Variants in GPHN observed in about 807,000 individuals in gnomAD.
GPHN encodes the protein gephyrin.
GPHN carries 17 observed loss-of-function variants against 95.5 expected under a neutral mutation model. That is an observed-to-expected ratio of 0.18 (90% confidence interval 0.12 to 0.27). The LOEUF (loss-of-function observed/expected upper bound fraction) is 0.27. GPHN is among the 10% of genes least tolerant of loss of function. The pLI, the probability that GPHN is intolerant of heterozygous loss-of-function variation, is 1.00. For synonymous variants in GPHN, 320 were observed against 322.5 expected, an observed-to-expected ratio of 0.99 and a Z score of 0.08; for missense variants, 660 against 978.1, an observed-to-expected ratio of 0.67 and a Z score of 4.34.
At chr14:67,494,382 T>C in the GPHN span, among the ~76,000 whole-genome samples, 1 of 152,182 alleles carries the variant, frequency 6.6e-6, no homozygotes, top group Non-Finnish European at 1.5e-5. Flanking sequence ...TTATGCAGCT[T>C]TCTCAAGGTC....
chr14:66,934,956 C>T (rs1363817953), intron 8 of GPHN, among the ~76,000 whole-genome samples: 3 of 152,056 alleles, frequency 2.0e-5, no homozygotes, highest in African/African-American at 7.2e-5. Context: ...TAAAATGTAT[C>T]AAATAGGAAT....
intron 1 of GPHN, among the ~76,000 whole-genome samples, chr14:66,560,468 T>G (rs1315146236): frequency 2.0e-5 from 3 of 152,194 alleles, no homozygotes; most frequent in Non-Finnish European, 2.9e-5. Context: ...CCCTTGTAAG[T>G]TGGATTCCTA....
chr14:67,278,325 T>G, the GPHN span, among the ~76,000 whole-genome samples: 3 of 151,234 alleles, frequency 2.0e-5, no homozygotes, highest in Non-Finnish European at 4.4e-5. Context: ...CGTGAGCCAC[T>G]GCACCCGGCC....
At position 66,599,392 on chromosome 14, in the gene GPHN, A is replaced by ATTTTTTTTTTTTT. The variant is rs765267813; in HGVS notation, c.65-81711_65-81699dup. Among the ~76,000 whole-genome samples the ATTTTTTTTTTTTT allele has an allele frequency of 1.3e-3, 97 of 76,452 alleles. 3 individuals are homozygous for ATTTTTTTTTTTTT. The highest frequency in any genetic ancestry group is 5.2e-3 in the East Asian group (13 of 2,492). The allele number at this position is 76,452 out of a possible 152,430, so 50.2% of individuals were successfully genotyped here. ...TCTCTGATTTTACATTTTTTTTTGC[A>ATTTTTTTTTTTTT]TTTTTTTTTTTTTTTTGCTAGATGC... On this transcript the variant is annotated intron_variant, in intron 1 of 22. Coordinates refer to ENST00000478722, the MANE Select transcript of GPHN (RefSeq NM_020806.5).
intron 9 of GPHN, among the ~76,000 whole-genome samples, chr14:67,013,335 G>A (rs995056487): frequency 3.3e-5 from 5 of 151,934 alleles, no homozygotes; most frequent in Admixed American, 6.6e-5. Flanking sequence ...AGCTTTAACC[G>A]ATCTAATTAG....
At chr14:67,137,380 C>T (rs762087492) in intron 17 of GPHN, among the ~76,000 whole-genome samples, 4 of 151,696 alleles carry the variant, frequency 2.6e-5, no homozygotes, top group Admixed American at 6.6e-5. Flanking sequence ...CTCCTGACCT[C>T]GTGATCCACC....
intron 8 of GPHN, among the ~76,000 whole-genome samples, chr14:66,934,988 TA>T (rs201997855): frequency 0.012 from 1,833 of 152,148 alleles, 19 homozygotes; most frequent in Non-Finnish European, 0.018. Flanking sequence ...CATATTTCAG[TA>T]AAAAAACCTG....
rs574849419 is a variant in GPHN, at chr14:66,663,314, C to A, written c.65-17793C>A. Among the ~76,000 whole-genome samples the A allele has an allele frequency of 1.2e-4, 19 of 152,260 alleles. No individual in the cohort carries two copies. In the South Asian group the frequency reaches 1.5e-3, roughly 12 times the overall value. ...CCTACATGTCAGAAGAGATTGGAGG[C>A]CAATATTCAACATGCTGAAAAAAGA... On this transcript the variant is annotated intron_variant, in intron 1 of 22. Transcript: ENST00000478722.
At chr14:67,411,794 G>A in the GPHN span, among the ~76,000 whole-genome samples, 1 of 152,258 alleles carries the variant, frequency 6.6e-6, no homozygotes, top group African/African-American at 2.4e-5. Flanking sequence ...CGCTAACCAA[G>A]TGGGATTCTC....
chr14:67,512,938 C>A, the GPHN span, among the ~76,000 whole-genome samples: 1 of 152,172 alleles, frequency 6.6e-6, no homozygotes, highest in Non-Finnish European at 1.5e-5. Flanking sequence ...GTAATTTGGT[C>A]CCTTCCTGTA....
At chr14:67,590,249 ATTTTT>A in the GPHN span, 692 of 732,044 alleles carry the variant, frequency 9.5e-4, no homozygotes, top group South Asian at 1.8e-3. Context: ...CCACTTGCAA[ATTTTT>A]TTTTTTTTTT....
At chr14:67,681,919 C>T in the GPHN span, among the ~76,000 whole-genome samples, 1 of 152,096 alleles carries the variant, frequency 6.6e-6, no homozygotes, top group South Asian at 2.1e-4. Flanking sequence ...GTCCCTCTGC[C>T]TTCATGAACA....
chr14:67,092,647 G>T (rs1432190276), intron 12 of GPHN, among the ~76,000 whole-genome samples: 9 of 151,956 alleles, frequency 5.9e-5, no homozygotes, highest in Admixed American at 5.9e-4. Flanking sequence ...AATGACTAAG[G>T]AAATAAGTAG....
chr14:66,985,786 C>A, intron 9 of GPHN: 1 of 1,066,598 alleles, frequency 9.4e-7, no homozygotes, highest in East Asian at 2.6e-5. Flanking sequence ...CTATAGCCTA[C>A]ACTTCTTCCT....
chr14:66,605,759 C>G (rs1452688634), intron 1 of GPHN, among the ~76,000 whole-genome samples: 4 of 151,996 alleles, frequency 2.6e-5, no homozygotes, highest in Admixed American at 2.0e-4. Flanking sequence ...GTCTCGATCT[C>G]CTGACCTCTT....
At chr14:66,611,714 A>G (rs566734765) in intron 1 of GPHN, among the ~76,000 whole-genome samples, 5 of 152,268 alleles carry the variant, frequency 3.3e-5, no homozygotes, top group South Asian at 2.1e-4. Context: ...TTTCAAAGCT[A>G]TGTAACTTGA....
chr14:67,407,709 G>C, the GPHN span, among the ~76,000 whole-genome samples: 8 of 151,884 alleles, frequency 5.3e-5, no homozygotes, highest in Non-Finnish European at 7.4e-5. Flanking sequence ...CCACATTGTT[G>C]GAATTTACAG....
At chr14:67,221,632 C>A in the GPHN span, 2 of 1,161,744 alleles carry the variant, frequency 1.7e-6, no homozygotes, top group Non-Finnish European at 2.4e-6. Context: ...GTTCTATAAT[C>A]AGCAATGGCC....
the GPHN span, among the ~76,000 whole-genome samples, chr14:67,549,203 G>A: frequency 6.6e-6 from 1 of 152,116 alleles, no homozygotes; most frequent in African/African-American, 2.4e-5. Flanking sequence ...TGTTTTGGGA[G>A]AAGATGCCTT....
Sources: gnomAD v4.1 joint callset for allele counts (sites outside exome capture counted in the v4.1 genomes callset) on GRCh38, gnomAD v4.1.1 for gene constraint, MANE v1.5 for transcripts, NCBI Gene and HGNC (gene_info 2026-07-23, HGNC 2026-07-21) for gene names.